MARCHF7: variants seen among roughly 807,000 people sequenced by gnomAD.
The protein encoded by MARCHF7 is membrane associated ring-CH-type finger 7.
In MARCHF7, 20 loss-of-function variants were observed where a neutral mutation model predicts 76.5. That is an observed-to-expected ratio of 0.26 (90% CI 0.18 to 0.38). The LOEUF is 0.38. Among genes scored for constraint, MARCHF7 ranks in the 10% least tolerant of loss-of-function variants. The pLI, the probability that MARCHF7 is intolerant of heterozygous loss-of-function variation, is 1.00. For missense variants in MARCHF7, 797 were observed against 812.9 expected, an observed-to-expected ratio of 0.98 and a Z score of 0.24; for synonymous variants, 295 against 293.0, an observed-to-expected ratio of 1.01 and a Z score of -0.07.
intron 11 of MARCHF7, among the ~76,000 whole-genome samples, 195 bp downstream of exon 11, chr2:159,764,869 G>A (rs1707575405): frequency 6.7e-6 from 1 of 150,308 alleles, no homozygotes; most frequent in South Asian, 2.1e-4. Context: ...ATATTTTAAG[G>A]TATGGAAGCA....
chr2:159,748,574 A>G lies in MARCHF7; in HGVS notation c.1284A>G (p.Ser428=). 1 of 1,614,258 alleles carries G rather than the reference A, an allele frequency of 6.2e-7. No individual in the cohort carries two copies. Among genetic ancestry groups the G allele is most frequent in the Non-Finnish European group, 8.5e-7 (1 of 1,180,046 alleles). ...GATCTCATATTTTTAGAAGAGAATC[A>G]AATGAAGTGGTTCACCTTGAAGCAC... ...SSRSHIFRRE[S]NEVVHLEAQN... The change falls in exon 7 of 12, where the codon TCA becomes TCG. Residue 428 remains serine, a synonymous_variant. Coordinates refer to ENST00000409175, the MANE Select transcript of MARCHF7 (RefSeq NM_001282805.2).
intron 4 of MARCHF7, among the ~76,000 whole-genome samples, chr2:159,734,816 T>TG (rs1491532463): frequency 2.5e-4 from 11 of 44,398 alleles, no homozygotes; most frequent in African/African-American, 1.1e-3. Flanking sequence ...AAAAATAAAA[T>TG]GAAAAAAAAA....
At chr2:159,757,060 A>AT (rs1444386960) in intron 8 of MARCHF7, among the ~76,000 whole-genome samples, 2 of 151,908 alleles carry the variant, frequency 1.3e-5, no homozygotes, top group South Asian at 2.1e-4. Flanking sequence ...CCCCTGGCTA[A>AT]TTTTTTGTAT....
chr2:159,770,541 T>TAA lies in MARCHF7; in HGVS notation c.*3200_*3201dup, dbSNP rs1708109882. 1.3e-5 allele frequency: 2 copies of TAA among 152,184 alleles called. No homozygotes were observed. Among genetic ancestry groups the TAA allele is most frequent in the Non-Finnish European group, 2.9e-5 (2 of 68,030 alleles). The allele number at this position is 152,184 out of a possible 1,614,324, so 9.4% of individuals were successfully genotyped here. A position where few individuals can be genotyped will look rare whatever the true frequency, so the allele number is the denominator to read the frequency against. On this transcript the variant is annotated 3_prime_UTR_variant, in exon 12 of 12. Transcript: ENST00000409175. ...TCTATCTCCCCAGAAGAAAGTAAGA[T>TAA]AATTGATGGGGTGTGGATTCAGAAG...
At chr2:159,738,076 G>A (rs1703679771) in intron 4 of MARCHF7, among the ~76,000 whole-genome samples, 1 of 152,212 alleles carries the variant, frequency 6.6e-6, no homozygotes, top group Non-Finnish European at 1.5e-5. Flanking sequence ...GGGGGTGCAT[G>A]GGCAAGTGAG....
At chr2:159,759,370 T>G in intron 9 of MARCHF7, 35 bp downstream of exon 9, 1 of 1,116,862 alleles carries the variant, frequency 9.0e-7, no homozygotes, top group Non-Finnish European at 1.3e-6. Context: ...TAAGTGTCTA[T>G]TCTATGCTTC....
At chr2:159,732,821 C>G in intron 4 of MARCHF7, 2 of 984,010 alleles carry the variant, frequency 2.0e-6, no homozygotes, top group Non-Finnish European at 2.4e-6. Flanking sequence ...CATCTGCCAT[C>G]ATGCCTGGCC....
intron 4 of MARCHF7, chr2:159,732,832 T>C (rs10170336): frequency 0.39 from 387,985 of 983,598 alleles, 79,951 homozygotes; most frequent in African/African-American, 0.71. Context: ...ATGCCTGGCC[T>C]GTATTTTATT....
In MARCHF7 at chr2:159,748,550, A is replaced by T. The variant is rs768410398; in HGVS notation, c.1260A>T (p.Arg420Ser). Reference sequence around the variant, plus strand: ...TACCTACCTCTGATACATCATCTAGATCTCATATTTTTAGAAGAGAATCAA... The same window carrying T: ...TACCTACCTCTGATACATCATCTAGTTCTCATATTTTTAGAAGAGAATCAA... ...SRIPTSDTSSRSHIFRRESNE... is the reference protein window; with the variant it reads ...SRIPTSDTSSSSHIFRRESNE... The change falls in exon 7 of 12, where the codon AGA (arginine) becomes AGT (serine). Residue 420 changes from arginine to serine, a missense_variant. By Grantham distance (110) the Arg-to-Ser change is moderately radical. Transcript: ENST00000409175. The T allele has an allele frequency of 6.2e-6, 10 of 1,614,214 alleles. No homozygotes were observed. The East Asian group carries it at 2.2e-4, about 36-fold the overall frequency.
chr2:159,730,613 C>A (rs902429785), intron 4 of MARCHF7, among the ~76,000 whole-genome samples: 4 of 152,152 alleles, frequency 2.6e-5, no homozygotes, highest in African/African-American at 9.7e-5. Context: ...TGTACATTTT[C>A]TGCTTCTAGA....
chr2:159,761,615 T>C (rs1707116155), intron 9 of MARCHF7, among the ~76,000 whole-genome samples: 1 of 151,596 alleles, frequency 6.6e-6, no homozygotes, highest in African/African-American at 2.4e-5. Flanking sequence ...TTTCACCGTG[T>C]TGGCCAGGCT....
At position 159,767,476 on chromosome 2, in the gene MARCHF7, T is replaced by C. The variant is rs1707938276; in HGVS notation, c.*134T>C. ...TATAAAATGAATATATACATACACATGTATGCCTGTATATATATATTCATT... is the reference window on the plus strand; with the variant it reads ...TATAAAATGAATATATACATACACACGTATGCCTGTATATATATATTCATT... On this transcript the variant is annotated 3_prime_UTR_variant, in exon 12 of 12. Transcript: ENST00000409175. The C allele has an allele frequency of 1.8e-6, 1 of 568,656 alleles. No homozygotes were observed. The allele number at this position is 568,656 out of a possible 1,614,324, so 35.2% of individuals were successfully genotyped here. A position where few individuals can be genotyped will look rare whatever the true frequency, so the allele number is the denominator to read the frequency against.
chr2:159,758,179 C>G (rs1377105222), intron 8 of MARCHF7, among the ~76,000 whole-genome samples: 1 of 152,110 alleles, frequency 6.6e-6, no homozygotes, highest in African/African-American at 2.4e-5. Context: ...ATTTGAAACC[C>G]TCTCTAAATA....
chr2:159,752,708 C>A, intron 8 of MARCHF7, 137 bp downstream of exon 8: 1 of 723,834 alleles, frequency 1.4e-6, no homozygotes, highest in Non-Finnish European at 2.1e-6. Context: ...TCAGCAGAAG[C>A]ATTAAAGAGC....
chr2:159,755,433 C>T (rs1363629316), intron 8 of MARCHF7, among the ~76,000 whole-genome samples: 3 of 152,030 alleles, frequency 2.0e-5, no homozygotes. Context: ...GTGCTGAAGT[C>T]ATTAATGAAT....
At chr2:159,734,162 A>G in intron 4 of MARCHF7, 1 of 1,064,908 alleles carries the variant, frequency 9.4e-7, no homozygotes, top group Non-Finnish European at 1.2e-6. Context: ...GTGGATATGT[A>G]ATTTTGTTTT....
At chr2:159,758,820 G>A (rs906644470) in intron 8 of MARCHF7, among the ~76,000 whole-genome samples, 14 of 152,182 alleles carry the variant, frequency 9.2e-5, no homozygotes, top group African/African-American at 3.1e-4. Context: ...AAAGATACTG[G>A]CTTGGGTGTG....
At position 159,748,715 on chromosome 2, in the gene MARCHF7, A is replaced by G. The variant is rs765326181; in HGVS notation, c.1425A>G (p.Ile475Met). ...DSAQGGRNTG[I>M]SGILPGSLFR... ...CTCAAGGTGGAAGAAATACAGGAATATCAGGGATTCTTCCTGGTTCCTTAT... is the reference window on the plus strand; with the variant it reads ...CTCAAGGTGGAAGAAATACAGGAATGTCAGGGATTCTTCCTGGTTCCTTAT... The change falls in exon 7 of 12, where the codon ATA (isoleucine) becomes ATG (methionine). Residue 475 changes from isoleucine to methionine, a missense_variant. Transcript: ENST00000409175. 3.1e-6 allele frequency: 5 copies of G among 1,614,052 alleles called. No homozygotes were observed. Among genetic ancestry groups the G allele is most frequent in the Middle Eastern group, 3.3e-4 (2 of 6,084 alleles).
intron 7 of MARCHF7, among the ~76,000 whole-genome samples, chr2:159,751,775 G>T (rs1705679143): frequency 6.6e-6 from 1 of 152,200 alleles, no homozygotes; most frequent in Admixed American, 6.5e-5. Flanking sequence ...TTAAATAGAG[G>T]ACGTAGGTTA....
Sources: allele counts gnomAD v4.1 joint callset (sites outside exome capture counted in the v4.1 genomes callset), GRCh38; gene constraint gnomAD v4.1.1; transcripts MANE v1.5; gene names NCBI Gene and HGNC (gene_info 2026-07-23, HGNC 2026-07-21).